ITGBL1: variants seen among roughly 807,000 people sequenced by gnomAD.
The protein encoded by ITGBL1 is integrin subunit beta like 1.
A neutral mutation model predicts 68.5 loss-of-function variants in ITGBL1; 51 were observed. The ratio of observed to expected loss-of-function variants is 0.74; its 90% CI spans 0.59 to 0.94. The LOEUF (loss-of-function observed/expected upper bound fraction) is 0.94. ITGBL1 is among the 40% of genes least tolerant of loss of function. The pLI, the probability that ITGBL1 is intolerant of heterozygous loss-of-function variation, is 0.00. For synonymous variants in ITGBL1, 209 were observed against 227.3 expected, an observed-to-expected ratio of 0.92 and a Z score of 0.72; for missense variants, 649 against 647.4, an observed-to-expected ratio of 1.00 and a Z score of -0.03.
At chr13:101,560,170 C>T (rs1298500114) in intron 2 of ITGBL1, among the ~76,000 whole-genome samples, 1 of 152,098 alleles carries the variant, frequency 6.6e-6, no homozygotes, top group Non-Finnish European at 1.5e-5. Flanking sequence ...CTAGATGTTA[C>T]ATTGTTTTTT....
At chr13:101,693,840 T>A (rs2033939578) in intron 8 of ITGBL1, among the ~76,000 whole-genome samples, 2 of 152,192 alleles carry the variant, frequency 1.3e-5, no homozygotes, top group Admixed American at 6.6e-5. Flanking sequence ...GTTAGACTTT[T>A]TTGAATTTTT....
In ITGBL1 at chr13:101,489,709, G is replaced by T. The variant is rs963585121; in HGVS notation, c.316+35609G>T. On this transcript the variant is annotated intron_variant, in intron 2 of 10. Coordinates refer to ENST00000376180, the MANE Select transcript of ITGBL1 (RefSeq NM_004791.3). ...ATCCATTCTGAAAGAAGAGAGTTAG[G>T]GAACTTTTATTTTATTTTATTTTTC... 2.9e-4 allele frequency among the ~76,000 whole-genome samples: 44 copies of T among 152,128 alleles called. 1 individual carries two copies. The highest frequency in any genetic ancestry group is 2.2e-4 in the Non-Finnish European group (15 of 68,020).
At chr13:101,549,331 T>C (rs1343879332) in intron 2 of ITGBL1, among the ~76,000 whole-genome samples, 1 of 151,874 alleles carries the variant, frequency 6.6e-6, no homozygotes, top group Non-Finnish European at 1.5e-5. Context: ...AATCAAACTT[T>C]CAAGAAGAAA....
chr13:101,528,508 G>A (rs1300871249), intron 2 of ITGBL1, among the ~76,000 whole-genome samples: 1 of 150,966 alleles, frequency 6.6e-6, no homozygotes, highest in African/African-American at 2.4e-5. Context: ...ATTTATTTGT[G>A]CCATGTTGTG....
rs962784146 is a variant in ITGBL1 at position 101,454,170 on chromosome 13, A to G, written c.316+70A>G. 1.1e-4 allele frequency: 123 copies of G among 1,170,778 alleles called. No individual in the cohort carries two copies. In the South Asian group the frequency reaches 1.9e-3, roughly 18 times the overall value. The allele number at this position is 1,170,778 out of a possible 1,614,324, so 72.5% of individuals were successfully genotyped here. ...TCTTCTGGGATTTCTGCCACTCCCT[A>G]GAAGAGTGAAGGGTGGGGACACGCC... On this transcript the variant is annotated intron_variant, in intron 2 of 10. Transcript: ENST00000376180.
chr13:101,567,962 T>C, intron 3 of ITGBL1, 117 bp downstream of exon 3: 1 of 761,384 alleles, frequency 1.3e-6, no homozygotes, highest in Non-Finnish European at 2.0e-6. Flanking sequence ...TTGAGTATGT[T>C]TTTTAGAAGT....
At chr13:101,710,287 G>A (rs760776628) in intron 9 of ITGBL1, among the ~76,000 whole-genome samples, 12 of 152,198 alleles carry the variant, frequency 7.9e-5, no homozygotes, top group Admixed American at 1.3e-4. Flanking sequence ...GTTGGCAGCA[G>A]CTGATCGTGA....
intron 4 of ITGBL1, among the ~76,000 whole-genome samples, chr13:101,575,757 G>T (rs1418056866): frequency 6.6e-6 from 1 of 152,144 alleles, no homozygotes; most frequent in African/African-American, 2.4e-5. Flanking sequence ...ATTGTCCCCA[G>T]AGGAGAGCTG....
chr13:101,639,743 T>G (rs1014509645), intron 7 of ITGBL1, among the ~76,000 whole-genome samples: 15 of 152,178 alleles, frequency 9.9e-5, no homozygotes, highest in African/African-American at 3.4e-4. Context: ...TTTAGTTTTG[T>G]TTTTGAAATA....
At chr13:101,578,143 G>C (rs1566739747) in intron 4 of ITGBL1, among the ~76,000 whole-genome samples, 1 of 152,138 alleles carries the variant, frequency 6.6e-6, no homozygotes, top group African/African-American at 2.4e-5. Context: ...TAGGATACCA[G>C]AATATTCTGT....
chr13:101,537,408 A>C (rs1181104589), intron 2 of ITGBL1, among the ~76,000 whole-genome samples: 3 of 152,066 alleles, frequency 2.0e-5, no homozygotes, highest in Non-Finnish European at 4.4e-5. Flanking sequence ...AATCTTTAGA[A>C]AAATATAACA....
chr13:101,532,761 A>G (rs7338409), intron 2 of ITGBL1, among the ~76,000 whole-genome samples: 51,429 of 152,078 alleles, frequency 0.34, 9,079 homozygotes, highest in South Asian at 0.4. Context: ...TCTAAATAAT[A>G]GCATTTCACT....
intron 7 of ITGBL1, among the ~76,000 whole-genome samples, chr13:101,686,195 C>G (rs758647598): frequency 6.6e-6 from 1 of 152,052 alleles, no homozygotes; most frequent in Non-Finnish European, 1.5e-5. Context: ...TTACTCCTCC[C>G]GGCAACCACC....
At chr13:101,549,924 TCA>T (rs2049893715) in intron 2 of ITGBL1, among the ~76,000 whole-genome samples, 4 of 152,162 alleles carry the variant, frequency 2.6e-5, no homozygotes, top group Non-Finnish European at 5.9e-5. Flanking sequence ...ATAATTGATC[TCA>T]GAGGTCTAGT....
At chr13:101,499,588 G>A (rs2048909453) in intron 2 of ITGBL1, among the ~76,000 whole-genome samples, 1 of 152,212 alleles carries the variant, frequency 6.6e-6, no homozygotes, top group Non-Finnish European at 1.5e-5. Context: ...GGAGCAAAGA[G>A]AACAAGAGAA....
intron 7 of ITGBL1, among the ~76,000 whole-genome samples, chr13:101,689,704 ATTGT>A (rs2033841051): frequency 6.6e-6 from 1 of 152,138 alleles, no homozygotes; most frequent in African/African-American, 2.4e-5. Flanking sequence ...TTATATTTTA[ATTGT>A]TAACTTTTTA....
At chr13:101,496,211 A>G (rs1176745836) in intron 2 of ITGBL1, among the ~76,000 whole-genome samples, 1 of 152,134 alleles carries the variant, frequency 6.6e-6, no homozygotes, top group Non-Finnish European at 1.5e-5. Context: ...CTCCAATCCA[A>G]TGTAATCTAG....
In ITGBL1 at chr13:101,538,578, G is replaced by A. The variant is rs374693985; in HGVS notation, c.317-29121G>A. On this transcript the variant is annotated intron_variant, in intron 2 of 10. Transcript: ENST00000376180. ...AATTCATTTTTGAAAAACATAACAC[G>A]AACATAATAAACAAAACTCCAGAAA... is the stretch of plus-strand genomic sequence containing the variant. Among the ~76,000 whole-genome samples, 12 of 151,604 alleles carry A rather than the reference G, an allele frequency of 7.9e-5. No homozygotes were observed. The East Asian group carries it at 1.2e-3, about 15-fold the overall frequency.
intron 7 of ITGBL1, among the ~76,000 whole-genome samples, chr13:101,613,100 GT>G (rs2031210912): frequency 6.6e-6 from 1 of 152,042 alleles, no homozygotes; most frequent in East Asian, 1.9e-4. Context: ...CCTTAACTTT[GT>G]TATCTATAAA....
Sources: allele counts gnomAD v4.1 joint callset (sites outside exome capture counted in the v4.1 genomes callset), GRCh38; gene constraint gnomAD v4.1.1; transcripts MANE v1.5; gene names NCBI Gene and HGNC (gene_info 2026-07-23, HGNC 2026-07-21).